Variants in ANGPTL8 observed in about 807,000 individuals in gnomAD.
ANGPTL8 encodes the protein angiopoietin-like protein 8.
ANGPTL8 carries 24 observed loss-of-function variants against 22.6 expected under a neutral mutation model. That is an observed-to-expected ratio of 1.06 (90% CI 0.77 to 1.49). The LOEUF is 1.49. Ranked by LOEUF, ANGPTL8 falls within the 40% of genes most tolerant of loss-of-function variation. The pLI is 0.00. For synonymous variants in ANGPTL8, 88 were observed against 113.4 expected, an observed-to-expected ratio of 0.78 and a Z score of 1.42; for missense variants, 230 against 259.6, an observed-to-expected ratio of 0.89 and a Z score of 0.78.
rs2079909965 is a variant in ANGPTL8 at position 11,239,706 on chromosome 19, C to A, written c.69C>A (p.Pro23=). ...TGACCCGGCCTGCCTCAGCGGCCCC[C>A]ATGGGCGGCCCAGAACTGGCACAGC... ...AMVTRPASAA[P]MGGPELAQHE... The change falls in exon 1 of 4, where the codon CCC becomes CCA. Residue 23 remains proline (P), a synonymous_variant. Coordinates refer to ENST00000252453, the MANE Select transcript of ANGPTL8 (RefSeq NM_018687.7). The A allele has an allele frequency of 6.2e-7, 1 of 1,613,556 alleles. No individual in the cohort carries two copies. Among genetic ancestry groups the A allele is most frequent in the African/African-American group, 1.3e-5 (1 of 74,938 alleles).
Position 11,241,540 on chromosome 19 carries a change from A to G in ANGPTL8, c.555A>G (p.Arg185=). Residue 185 remains arginine (R), a synonymous_variant, in exon 3 of 4, where the codon CGA becomes CGG. Coordinates refer to ENST00000252453, the MANE Select transcript of ANGPTL8 (RefSeq NM_018687.7). ...TGGTGGCACAGCAGCATCGGCTGCGACAGATCCAGGAGAGGTGAGCCTGGC... is the reference window on the plus strand; with the variant it reads ...TGGTGGCACAGCAGCATCGGCTGCGGCAGATCCAGGAGAGGTGAGCCTGGC... ...REMVAQQHRL[R]QIQERLHTAA... 6.4e-7 allele frequency: 1 copy of G among 1,553,196 alleles called. No individual in the cohort carries two copies. Among genetic ancestry groups the G allele is most frequent in the Non-Finnish European group, 8.7e-7 (1 of 1,147,932 alleles).
rs375214158 is a variant in ANGPTL8, at chr19:11,239,952, G to C, written c.297+18G>C. On this transcript the variant is annotated intron_variant, in intron 1 of 3. Transcript: ENST00000252453. ...AGACTCAGGTGGGCACCGTAGCTGC[G>C]ACACTGTGGGGTGGCCAGGAGTCCA... The C allele has an allele frequency of 6.4e-7, 1 of 1,567,980 alleles. No individual in the cohort carries two copies. Among genetic ancestry groups the C allele is most frequent in the Non-Finnish European group, 8.6e-7 (1 of 1,156,520 alleles).
Position 11,240,301 on chromosome 19 carries a change from G to A in ANGPTL8, c.459+5G>A, listed in dbSNP as rs369490921. Reference sequence around the variant, plus strand: ...CGAGAATTTGAGGTCTTAAAGGTAAGGAGCTCCCCCAACCCTAGTGGGCTG... The same window carrying A: ...CGAGAATTTGAGGTCTTAAAGGTAAAGAGCTCCCCCAACCCTAGTGGGCTG... On this transcript the variant is annotated splice_donor_5th_base_variant and intron_variant, in intron 2 of 3. Coordinates refer to ENST00000252453, the MANE Select transcript of ANGPTL8 (RefSeq NM_018687.7). The A allele has an allele frequency of 2.6e-6, 4 of 1,562,896 alleles. No individual in the cohort carries two copies. In the African/African-American group the frequency reaches 5.5e-5, roughly 21 times the overall value.
intron 2 of ANGPTL8, among the ~76,000 whole-genome samples, chr19:11,240,773 T>C (rs1465795043): frequency 6.6e-6 from 1 of 151,844 alleles, no homozygotes; most frequent in Non-Finnish European, 1.5e-5. Flanking sequence ...TTTCACCATG[T>C]TGGCCAGGCT....
chr19:11,240,273 T>C lies in ANGPTL8; in HGVS notation c.436T>C (p.Tyr146His). Reference protein sequence around the residue: ...QLRSAWLGPAYREFEVLKAHA... With the variant: ...QLRSAWLGPAHREFEVLKAHA... ...GAGGAGCGCCTGGCTGGGCCCTGCC[T>C]ACCGAGAATTTGAGGTCTTAAAGGT... The change falls in exon 2 of 4, where the codon TAC becomes CAC. Residue 146 changes from tyrosine (Y) to histidine (H), a missense_variant. Transcript: ENST00000252453. 1.3e-6 allele frequency: 2 copies of C among 1,582,110 alleles called. No homozygotes were observed. The highest frequency in any genetic ancestry group is 1.7e-6 in the Non-Finnish European group (2 of 1,166,112).
In ANGPTL8 at chr19:11,239,655, G is replaced by C. The variant is rs2147840128; in HGVS notation, c.18G>C (p.Leu6=). MPVPA[L]CLLWALAMVT... ...CCTCAGTCATGCCAGTGCCTGCTCTGTGCCTGCTCTGGGCCCTGGCAATGG... is the reference window on the plus strand; with the variant it reads ...CCTCAGTCATGCCAGTGCCTGCTCTCTGCCTGCTCTGGGCCCTGGCAATGG... The change falls in exon 1 of 4, where the codon CTG becomes CTC. Residue 6 remains leucine, a synonymous_variant. Transcript: ENST00000252453. 6.2e-7 allele frequency: 1 copy of C among 1,613,796 alleles called. No individual in the cohort carries two copies. The highest frequency in any genetic ancestry group is 8.5e-7 in the Non-Finnish European group (1 of 1,179,878).
chr19:11,240,179 G>A lies in ANGPTL8; in HGVS notation c.342G>A (p.Glu114=), dbSNP rs1325040996. The change falls in exon 2 of 4, where the codon GAG becomes GAA. Residue 114 remains glutamate, a synonymous_variant. Transcript: ENST00000252453. The stretch of plus-strand genomic sequence containing the variant: ...AGCTGCAGGCAGAGGCCACAGCTGA[G>A]GTGCTGGGGGAGGTGGCCCAGGCAC... ...ILQLQAEATA[E]VLGEVAQAQK... 3 of 1,553,408 alleles carry A rather than the reference G, an allele frequency of 1.9e-6. No individual in the cohort carries two copies. The Admixed American group carries it at 5.9e-5, about 30-fold the overall frequency.
Position 11,241,747 on chromosome 19 carries a change from AG to A in ANGPTL8, c.*62del. ...GCAAGGAACACTTCCACGCCCCGTGAGGCCCCTGTGCAGGGAGGAGCTGCCT... is the reference window on the plus strand; with the variant it reads ...GCAAGGAACACTTCCACGCCCCGTGAGCCCCTGTGCAGGGAGGAGCTGCCT... On this transcript the variant is annotated 3_prime_UTR_variant, in exon 4 of 4. Coordinates refer to ENST00000252453, the MANE Select transcript of ANGPTL8 (RefSeq NM_018687.7). The A allele has an allele frequency of 6.4e-7, 1 of 1,554,822 alleles. No homozygotes were observed. The highest frequency in any genetic ancestry group is 8.7e-7 in the Non-Finnish European group (1 of 1,149,020).
chr19:11,240,029 A>G (rs920613212), intron 1 of ANGPTL8, 95 bp downstream of exon 1: 2 of 1,545,602 alleles, frequency 1.3e-6, no homozygotes, highest in Non-Finnish European at 1.8e-6. Flanking sequence ...CCCAGGACTG[A>G]AGGGATTCCT....
chr19:11,239,801 C>G lies in ANGPTL8; in HGVS notation c.164C>G (p.Thr55Ser). ...CAGGCCCTCAACGGTGTGTACAGGA[C>G]CACGGAGGGACGGCTGACAAAGGCC... ...LGQALNGVYR[T>S]TEGRLTKARN... The change falls in exon 1 of 4, where the codon ACC (threonine) becomes AGC (serine). Residue 55 changes from threonine (T) to serine (S), a missense_variant. Physicochemically the swap from Thr to Ser is moderately conservative, Grantham distance 58. Coordinates refer to ENST00000252453, the MANE Select transcript of ANGPTL8 (RefSeq NM_018687.7). 1.2e-6 allele frequency: 2 copies of G among 1,607,952 alleles called. No individual in the cohort carries two copies. The highest frequency in any genetic ancestry group is 1.7e-6 in the Non-Finnish European group (2 of 1,177,430).
chr19:11,240,078 T>G, intron 1 of ANGPTL8, 57 bp from the exon 2 acceptor site: 1 of 1,549,730 alleles, frequency 6.5e-7, no homozygotes, highest in Non-Finnish European at 8.7e-7. Context: ...AGGCAAGTCC[T>G]TAGGTACACA....
chr19:11,240,189 G>A lies in ANGPTL8; in HGVS notation c.352G>A (p.Glu118Lys), dbSNP rs1185715031. ...QAEATAEVLG[E>K]VAQAQKVLRD... ...AGAGGCCACAGCTGAGGTGCTGGGG[G>A]AGGTGGCCCAGGCACAGAAGGTGCT... The change falls in exon 2 of 4, where the codon GAG (glutamate) becomes AAG (lysine). Residue 118 changes from glutamate to lysine, a missense_variant. Coordinates refer to ENST00000252453, the MANE Select transcript of ANGPTL8 (RefSeq NM_018687.7). 4.5e-6 allele frequency: 7 copies of A among 1,555,080 alleles called. No homozygotes were observed. The African/African-American group carries it at 8.2e-5, about 18-fold the overall frequency.
In ANGPTL8 at chr19:11,241,936, G is replaced by A; in HGVS notation, c.*249G>A. 1 of 1,396,100 alleles carries A rather than the reference G, an allele frequency of 7.2e-7. No homozygotes were observed. The highest frequency in any genetic ancestry group is 9.7e-7 in the Non-Finnish European group (1 of 1,032,682). The allele number at this position is 1,396,100 out of a possible 1,614,324, so 86.5% of individuals were successfully genotyped here. ...CACCCCTCATTAAAGCAGAGTCGTG[G>A]CATCTCACCCAGGGTGTCTGTGTGT... On this transcript the variant is annotated 3_prime_UTR_variant, in exon 4 of 4. Coordinates refer to ENST00000252453, the MANE Select transcript of ANGPTL8 (RefSeq NM_018687.7).
At position 11,239,945 on chromosome 19, in the gene ANGPTL8, T is replaced by C; in HGVS notation, c.297+11T>C. 1.3e-6 allele frequency: 2 copies of C among 1,573,330 alleles called. No homozygotes were observed. Among genetic ancestry groups the C allele is most frequent in the South Asian group, 2.3e-5 (2 of 85,712 alleles). On this transcript the variant is annotated intron_variant, in intron 1 of 3. Transcript: ENST00000252453. ...CTGTTGGAGACTCAGGTGGGCACCG[T>C]AGCTGCGACACTGTGGGGTGGCCAG...
rs778228300 is a variant in ANGPTL8 at position 11,239,787 on chromosome 19, C to T, written c.150C>T (p.Asn50=). The T allele has an allele frequency of 8.8e-5, 142 of 1,609,566 alleles. 1 individual carries two copies. In the South Asian group the frequency reaches 1.3e-3, roughly 15 times the overall value. The change falls in exon 1 of 4, where the codon AAC becomes AAT. Residue 50 remains asparagine (N), a synonymous_variant. Coordinates refer to ENST00000252453, the MANE Select transcript of ANGPTL8 (RefSeq NM_018687.7). ...CCCTGCAGCTGGGCCAGGCCCTCAA[C>T]GGTGTGTACAGGACCACGGAGGGAC... ...HGTLQLGQAL[N]GVYRTTEGRL... is the part of the protein sequence containing the mutation.
chr19:11,240,646 C>T (rs2079929254), intron 2 of ANGPTL8, among the ~76,000 whole-genome samples: 1 of 147,540 alleles, frequency 6.8e-6, no homozygotes, highest in South Asian at 2.1e-4. Context: ...GTGGTGTGAT[C>T]TTGGCTCACT....
rs574623457 is a variant in ANGPTL8 at position 11,240,236 on chromosome 19, A to G, written c.399A>G (p.Leu133=). 4.4e-6 allele frequency: 7 copies of G among 1,579,488 alleles called. No individual in the cohort carries two copies. In the East Asian group the frequency reaches 1.2e-4, roughly 26 times the overall value. The change falls in exon 2 of 4, where the codon CTA becomes CTG. Residue 133 remains leucine (L), a synonymous_variant. Coordinates refer to ENST00000252453, the MANE Select transcript of ANGPTL8 (RefSeq NM_018687.7). ...TGCTACGGGACAGCGTGCAGCGGCTAGAAGTCCAGCTGAGGAGCGCCTGGC... is the reference window on the plus strand; with the variant it reads ...TGCTACGGGACAGCGTGCAGCGGCTGGAAGTCCAGCTGAGGAGCGCCTGGC... ...QKVLRDSVQR[L]EVQLRSAWLG... is the part of the protein sequence containing the mutation.
intron 1 of ANGPTL8, 58 bp from the exon 2 acceptor site, chr19:11,240,077 C>G: frequency 6.5e-7 from 1 of 1,549,632 alleles, no homozygotes. Context: ...CAGGCAAGTC[C>G]TTAGGTACAC....
Position 11,239,923 on chromosome 19 carries a change from T to C in ANGPTL8, c.286T>C (p.Leu96=). Residue 96 remains leucine, a synonymous_variant, in exon 1 of 4, where the codon TTG becomes CTG. Transcript: ENST00000252453. ...AGCCCAGGAACTTCGGGCAAGCCTG[T>C]TGGAGACTCAGGTGGGCACCGTAGC... The part of the protein sequence containing the change: ...DAAQELRASL[L]ETQMEEDILQ... 1 of 1,584,824 alleles carries C rather than the reference T, an allele frequency of 6.3e-7. No homozygotes were observed. The highest frequency in any genetic ancestry group is 8.6e-7 in the Non-Finnish European group (1 of 1,165,742).
Sources: gnomAD v4.1 joint callset for allele counts (sites outside exome capture counted in the v4.1 genomes callset) on GRCh38, gnomAD v4.1.1 for gene constraint, MANE v1.5 for transcripts, NCBI Gene and HGNC (gene_info 2026-07-23, HGNC 2026-07-21) for gene names.